The following MAGI2 variants were observed in gnomAD, a reference collection of about 807,000 sequenced individuals.
MAGI2 encodes membrane-associated guanylate kinase, WW and PDZ domain-containing protein 2.
A neutral mutation model predicts 133.3 loss-of-function variants in MAGI2; 35 were observed. That is an observed-to-expected ratio of 0.26 (90% CI 0.20 to 0.35). The LOEUF (loss-of-function observed/expected upper bound fraction) is 0.35. Ranked by LOEUF, MAGI2 falls within the 10% of genes least tolerant of loss-of-function variation. The pLI, the probability that MAGI2 is intolerant of heterozygous loss-of-function variation, is 1.00. For synonymous variants in MAGI2, 729 were observed against 710.6 expected (o/e 1.03, Z -0.41); for missense variants, 1,636 against 1,863.4 (o/e 0.88, Z 2.25).
At position 78,214,558 on chromosome 7, in the gene MAGI2, G is replaced by T. The variant is rs17149985; in HGVS notation, c.2048-13365C>A. On this transcript the variant is annotated intron_variant, in intron 10 of 21. Coordinates refer to ENST00000354212, the MANE Select transcript of MAGI2 (RefSeq NM_012301.4). ...TTAGCATAATCTATTAATGTTAAGA[G>T]CAATTTATTTCTATCTCTACTTTGG... Among the ~76,000 whole-genome samples, 932 of 152,224 alleles carry T rather than the reference G, an allele frequency of 6.1e-3. 26 individuals carry two copies. The highest frequency in any genetic ancestry group is 0.054 in the East Asian group (279 of 5,176).
intron 1 of MAGI2, among the ~76,000 whole-genome samples, chr7:79,425,662 AACTGAGTTCTCAGTTATGTG>A (rs1315778839): frequency 1.7e-4 from 25 of 151,460 alleles, no homozygotes; most frequent in African/African-American, 5.3e-4. Context: ...TCAGTTCTGT[AACTGAGTTCTCAGTTATGTG>A]ACTGAAAATT....
At chr7:78,331,319 C>T (rs1789170112) in intron 9 of MAGI2, among the ~76,000 whole-genome samples, 1 of 98,948 alleles carries the variant, frequency 1.0e-5, no homozygotes, top group African/African-American at 4.3e-5. Flanking sequence ...CGCAATATAC[C>T]TATGTAACAA....
intron 21 of MAGI2, among the ~76,000 whole-genome samples, chr7:78,046,342 T>G (rs1456805121): frequency 6.6e-6 from 1 of 151,138 alleles, no homozygotes; most frequent in East Asian, 1.9e-4. Flanking sequence ...GTGGAGATTG[T>G]GTTGAGACAA....
At chr7:78,104,420 C>T (rs548462468) in intron 20 of MAGI2, among the ~76,000 whole-genome samples, 1 of 151,938 alleles carries the variant, frequency 6.6e-6, no homozygotes, top group African/African-American at 2.4e-5. Flanking sequence ...GATGGGGTTT[C>T]GCTGTGTTAG....
intron 5 of MAGI2, among the ~76,000 whole-genome samples, chr7:78,493,495 G>C (rs1248581345): frequency 6.6e-6 from 1 of 152,156 alleles, no homozygotes; most frequent in Non-Finnish European, 1.5e-5. Context: ...TAAGCATTAT[G>C]AATTCCATTT....
At chr7:78,616,007 G>T (rs1364389842) in intron 3 of MAGI2, 1 of 152,098 alleles carries the variant, frequency 6.6e-6, no homozygotes, top group African/African-American at 2.4e-5. Context: ...TATATTTTCA[G>T]TTTTTCCATT....
At chr7:78,744,660 T>C (rs1822758306) in intron 2 of MAGI2, among the ~76,000 whole-genome samples, 1 of 152,210 alleles carries the variant, frequency 6.6e-6, no homozygotes, top group Non-Finnish European at 1.5e-5. Flanking sequence ...CTTATAGATT[T>C]GTGCTTAATA....
At chr7:78,289,473 G>A (rs1796477964) in intron 9 of MAGI2, among the ~76,000 whole-genome samples, 1 of 152,208 alleles carries the variant, frequency 6.6e-6, no homozygotes, top group Non-Finnish European at 1.5e-5. Context: ...CTCTACATCT[G>A]ATTGGTGTAC....
chr7:78,460,092 A>G (rs541793048), intron 6 of MAGI2, among the ~76,000 whole-genome samples: 3 of 152,200 alleles, frequency 2.0e-5, no homozygotes, highest in Non-Finnish European at 4.4e-5. Flanking sequence ...CACTCTGCCA[A>G]TTACTATTCT....
intron 1 of MAGI2, among the ~76,000 whole-genome samples, chr7:79,196,623 T>C (rs1828103087): frequency 6.6e-6 from 1 of 152,012 alleles, no homozygotes; most frequent in Non-Finnish European, 1.5e-5. Flanking sequence ...ATGATGACTA[T>C]TGTTCACTGT....
intron 3 of MAGI2, among the ~76,000 whole-genome samples, chr7:78,524,768 TCAG>T (rs1796808104): frequency 1.3e-5 from 1 of 77,198 alleles, no homozygotes; most frequent in South Asian, 4.4e-4. Context: ...AGCACAGCTT[TCAG>T]TAAGTATGTT....
intron 2 of MAGI2, among the ~76,000 whole-genome samples, chr7:78,837,905 C>G (rs1301496200): frequency 2.0e-5 from 3 of 152,088 alleles, no homozygotes; most frequent in Non-Finnish European, 1.5e-5. Context: ...GGAAACATCA[C>G]CTAGATGAGA....
intron 1 of MAGI2, among the ~76,000 whole-genome samples, chr7:79,131,754 A>G (rs1412296169): frequency 6.6e-6 from 1 of 152,104 alleles, no homozygotes; most frequent in Admixed American, 6.6e-5. Flanking sequence ...GAATTTTTTA[A>G]TTTTTAAACT....
intron 3 of MAGI2, 55 bp from the exon 4 acceptor site, chr7:78,521,700 T>C (rs1455563818): frequency 6.8e-7 from 1 of 1,468,638 alleles, no homozygotes; most frequent in African/African-American, 1.4e-5. Context: ...ACCATGTACA[T>C]AATTTGTGAA....
intron 2 of MAGI2, among the ~76,000 whole-genome samples, chr7:78,661,952 G>A (rs1243410873): frequency 6.6e-6 from 1 of 152,136 alleles, no homozygotes; most frequent in Non-Finnish European, 1.5e-5. Flanking sequence ...TTAAAGACAA[G>A]AAACAACAAC....
intron 3 of MAGI2, among the ~76,000 whole-genome samples, chr7:78,593,654 T>C (rs1804285229): frequency 6.6e-6 from 1 of 152,224 alleles, no homozygotes; most frequent in Admixed American, 6.5e-5. Flanking sequence ...CTTATTTGTC[T>C]TCCAGATGGG....
intron 6 of MAGI2, among the ~76,000 whole-genome samples, chr7:78,483,330 G>C (rs1219930174): frequency 6.6e-6 from 1 of 151,770 alleles, no homozygotes; most frequent in African/African-American, 2.4e-5. Flanking sequence ...ACAATTCATT[G>C]CTCTACATGC....
At chr7:78,831,726 TATAA>T (rs1277589371) in intron 2 of MAGI2, among the ~76,000 whole-genome samples, 2 of 152,216 alleles carry the variant, frequency 1.3e-5, no homozygotes, top group African/African-American at 2.4e-5. Flanking sequence ...TCACTTCTTT[TATAA>T]ATAAAGTTAC....
At chr7:78,499,650 A>G (rs1794443042) in intron 5 of MAGI2, among the ~76,000 whole-genome samples, 1 of 151,838 alleles carries the variant, frequency 6.6e-6, no homozygotes, top group Middle Eastern at 3.2e-3. Flanking sequence ...ATCACACACA[A>G]AAAAGGTTTT....
Sources: allele counts gnomAD v4.1 joint callset (sites outside exome capture counted in the v4.1 genomes callset), GRCh38; gene constraint gnomAD v4.1.1; transcripts MANE v1.5; gene names NCBI Gene and HGNC (gene_info 2026-07-23, HGNC 2026-07-21).